The following PTPRN2 variants were observed in gnomAD, a reference collection of about 807,000 sequenced individuals.
PTPRN2 encodes the protein protein tyrosine phosphatase receptor type N2.
In PTPRN2, 74 loss-of-function variants were observed where a neutral mutation model predicts 118.8. The ratio of observed to expected loss-of-function variants is 0.62; its 90% CI spans 0.52 to 0.76. The LOEUF is 0.76. Among genes scored for constraint, PTPRN2 ranks in the 30% least tolerant of loss-of-function variants. The pLI, the probability that PTPRN2 is intolerant of heterozygous loss-of-function variation, is 0.00. For synonymous variants in PTPRN2, 641 were observed against 608.0 expected (o/e 1.05, Z -0.80); for missense variants, 1,481 against 1,394.4 (o/e 1.06, Z -0.99).
Position 158,485,120 on chromosome 7 carries a change from T to G in PTPRN2, c.163+4615A>C, listed in dbSNP as rs931886499. Among the ~76,000 whole-genome samples the G allele has an allele frequency of 5.9e-4, 90 of 152,128 alleles. 1 individual carries two copies. Among genetic ancestry groups the G allele is most frequent in the Non-Finnish European group, 7.2e-4 (49 of 67,960 alleles). ...CCTGGGCCACCGAGCGCAGGGCTTG[T>G]GGGTCGTCACAGCATAATTCAGCCT... is the stretch of plus-strand genomic sequence containing the variant. On this transcript the variant is annotated intron_variant, in intron 2 of 22. Coordinates refer to ENST00000389418, the MANE Select transcript of PTPRN2 (RefSeq NM_002847.5).
At chr7:157,838,853 G>A (rs111709146) in intron 12 of PTPRN2, among the ~76,000 whole-genome samples, 8 of 24,648 alleles carry the variant, frequency 3.2e-4, no homozygotes, top group East Asian at 1.5e-3. Flanking sequence ...AGTTCCTCTC[G>A]TAGTGGATGG....
At chr7:158,535,033 C>T (rs1825566213) in intron 1 of PTPRN2, among the ~76,000 whole-genome samples, 1 of 152,230 alleles carries the variant, frequency 6.6e-6, no homozygotes, top group Non-Finnish European at 1.5e-5. Flanking sequence ...GACCAGCCAC[C>T]TCCAAAGCCT....
intron 5 of PTPRN2, among the ~76,000 whole-genome samples, chr7:158,183,510 G>C (rs1288755790): frequency 6.6e-6 from 1 of 152,172 alleles, no homozygotes; most frequent in Middle Eastern, 3.2e-3. Flanking sequence ...CTCAACCCGT[G>C]GCCACTGACT....
chr7:158,268,814 CCGCA>C lies in PTPRN2; in HGVS notation c.277+48001_277+48004del, dbSNP rs1198953787. Among the ~76,000 whole-genome samples the C allele has an allele frequency of 5.5e-3, 792 of 145,146 alleles. 57 individuals are homozygous for C. The highest frequency in any genetic ancestry group is 6.3e-3 in the Non-Finnish European group (423 of 66,626). ...ACAGGGCGGGTGTGAAATATCCCAG[CCGCA>C]CGCACACAGGGTGGGTGTGAAATAT... On this transcript the variant is annotated intron_variant, in intron 3 of 22. Coordinates refer to ENST00000389418, the MANE Select transcript of PTPRN2 (RefSeq NM_002847.5).
At chr7:158,144,825 C>G (rs73173614) in intron 6 of PTPRN2, among the ~76,000 whole-genome samples, 1 of 152,068 alleles carries the variant, frequency 6.6e-6, no homozygotes, top group Non-Finnish European at 1.5e-5. Flanking sequence ...ACAGGTGTGT[C>G]GACCCACCCT....
intron 11 of PTPRN2, among the ~76,000 whole-genome samples, chr7:158,019,346 C>T (rs536518138): frequency 6.6e-6 from 1 of 152,342 alleles, no homozygotes; most frequent in South Asian, 2.1e-4. Context: ...AATTAAATAG[C>T]ACATGGATAG....
chr7:157,540,594 G>A lies in PTPRN2; in HGVS notation c.*120C>T. 1.4e-6 allele frequency: 1 copy of A among 733,820 alleles called. No homozygotes were observed. Among genetic ancestry groups the A allele is most frequent in the South Asian group, 2.2e-5 (1 of 44,752 alleles). 45.5% of individuals were successfully genotyped at this position (733,820 alleles called of 1,614,324 possible). ...TAACTGCTAAACTGCGCTGACTACGGGAGAGCTAAGGGCCCTATTACTATG... is the reference window on the plus strand; with the variant it reads ...TAACTGCTAAACTGCGCTGACTACGAGAGAGCTAAGGGCCCTATTACTATG... On this transcript the variant is annotated 3_prime_UTR_variant, in exon 23 of 23. Transcript: ENST00000389418.
At chr7:158,229,083 C>T (rs941881749) in intron 3 of PTPRN2, among the ~76,000 whole-genome samples, 2 of 152,052 alleles carry the variant, frequency 1.3e-5, no homozygotes, top group African/African-American at 4.8e-5. Flanking sequence ...TGAGACCTCT[C>T]CCATTCAGTA....
chr7:158,352,599 G>C (rs916725105), intron 2 of PTPRN2, among the ~76,000 whole-genome samples: 4 of 152,156 alleles, frequency 2.6e-5, no homozygotes, highest in African/African-American at 9.7e-5. Flanking sequence ...CAGAAGCATC[G>C]TGCAGCTAGG....
chr7:157,854,110 T>C (rs1240232299), intron 12 of PTPRN2, among the ~76,000 whole-genome samples: 2 of 152,232 alleles, frequency 1.3e-5, no homozygotes, highest in African/African-American at 4.8e-5. Flanking sequence ...CCCCGTCTGC[T>C]ATGCTGTCAC....
chr7:157,768,414 A>G (rs117891911), intron 12 of PTPRN2, among the ~76,000 whole-genome samples: 1,804 of 151,274 alleles, frequency 0.012, 77 homozygotes, highest in East Asian at 0.097. Flanking sequence ...CCAAGAAGCG[A>G]CCCCCCTACA....
rs531706820 is a variant in PTPRN2 at position 157,590,020 on chromosome 7, G to T, written c.2496+5218C>A. Among the ~76,000 whole-genome samples the T allele has an allele frequency of 2.0e-5, 3 of 152,308 alleles. No individual in the cohort carries two copies. In the East Asian group the frequency reaches 5.8e-4, roughly 29 times the overall value. On this transcript the variant is annotated intron_variant, in intron 17 of 22. Transcript: ENST00000389418. This position sits in a 1 kb window ranked among gnomAD's most constrained non-coding sequence, Gnocchi z 4.0. ...CTTCTTTTTCTGTTGTGTTTTGAAT[G>T]TCAGCACCCTTTTTGAATTTATGAT... is the stretch of plus-strand genomic sequence containing the variant.
chr7:158,570,410 C>T lies in PTPRN2; in HGVS notation c.112+17148G>A, dbSNP rs947793354. Among the ~76,000 whole-genome samples the T allele has an allele frequency of 6.6e-6, 1 of 152,188 alleles. No individual in the cohort carries two copies. The highest frequency in any genetic ancestry group is 2.4e-5 in the African/African-American group (1 of 41,450). On this transcript the variant is annotated intron_variant, in intron 1 of 22. Coordinates refer to ENST00000389418, the MANE Select transcript of PTPRN2 (RefSeq NM_002847.5). This position sits in a 1 kb window ranked among gnomAD's most constrained non-coding sequence, Gnocchi z 4.5. ...GCGTCCAACCAGATGAGGACAGAACCGAGCGCCCTCCAGCACCCTCTCCCA... is the reference window on the plus strand; with the variant it reads ...GCGTCCAACCAGATGAGGACAGAACTGAGCGCCCTCCAGCACCCTCTCCCA...
intron 2 of PTPRN2, among the ~76,000 whole-genome samples, chr7:158,381,747 A>G (rs1489315630): frequency 6.6e-6 from 1 of 152,156 alleles, no homozygotes; most frequent in Non-Finnish European, 1.5e-5. Flanking sequence ...GAGACTGGGT[A>G]ATTTATACAG....
At chr7:157,566,287 A>T (rs1333455921) in intron 21 of PTPRN2, among the ~76,000 whole-genome samples, 1 of 152,234 alleles carries the variant, frequency 6.6e-6, no homozygotes, top group African/African-American at 2.4e-5. Flanking sequence ...ATGGGAAGAA[A>T]GGTTTCACGT....
At chr7:157,855,742 G>A (rs1020679221) in intron 12 of PTPRN2, among the ~76,000 whole-genome samples, 1 of 152,190 alleles carries the variant, frequency 6.6e-6, no homozygotes, top group Non-Finnish European at 1.5e-5. Context: ...CCAGGGGGGC[G>A]GCGATACAAA....
chr7:157,685,396 C>G (rs898227641), intron 12 of PTPRN2, among the ~76,000 whole-genome samples: 1 of 151,434 alleles, frequency 6.6e-6, no homozygotes. Context: ...GAGGGGGCGG[C>G]GGGGCCACGG....
chr7:157,690,751 T>G lies in PTPRN2; in HGVS notation c.1789-7814A>C, dbSNP rs2150832356. The stretch of plus-strand genomic sequence containing the variant: ...CTAGGGCGGCCGGAGGAGACAAAGG[T>G]GCCGCGCGTCGCTGCTCCAGCAGCA... On this transcript the variant is annotated intron_variant, in intron 12 of 22. Coordinates refer to ENST00000389418, the MANE Select transcript of PTPRN2 (RefSeq NM_002847.5). The surrounding 1 kb of genome is among the most constrained non-coding windows in gnomAD (Gnocchi z 7.1). Among the ~76,000 whole-genome samples the G allele has an allele frequency of 6.6e-6, 1 of 151,266 alleles. No individual in the cohort carries two copies. The highest frequency in any genetic ancestry group is 2.0e-4 in the East Asian group (1 of 5,110).
intron 17 of PTPRN2, among the ~76,000 whole-genome samples, chr7:157,580,749 CCAGCA>C (rs1800322099): frequency 7.0e-5 from 9 of 127,784 alleles, no homozygotes; most frequent in Admixed American, 7.8e-5. Flanking sequence ...CCTGCACACC[CCAGCA>C]CCTGCACACC....
Sources: gnomAD v4.1 joint callset for allele counts (sites outside exome capture counted in the v4.1 genomes callset) on GRCh38, gnomAD v4.1.1 for gene constraint, Gnocchi (gnomAD v3.1) non-coding constraint, MANE v1.5 for transcripts, NCBI Gene and HGNC (gene_info 2026-07-23, HGNC 2026-07-21) for gene names.